GRIN2A: variants seen among roughly 807,000 people sequenced by gnomAD.
The protein encoded by GRIN2A is glutamate ionotropic receptor NMDA type subunit 2A.
In GRIN2A, 22 loss-of-function variants were observed where a neutral mutation model predicts 113.4. That is an observed-to-expected ratio of 0.19 (90% CI 0.14 to 0.28). The LOEUF is 0.28. Ranked by LOEUF, GRIN2A falls within the 10% of genes least tolerant of loss-of-function variation. GRIN2A has a pLI of 1.00. For synonymous variants in GRIN2A, 827 were observed against 738.4 expected (o/e 1.12, Z -1.94); for missense variants, 1,502 against 1,887.0 (o/e 0.80, Z 3.78).
At chr16:9,920,792 A>G (rs2044344702) in intron 3 of GRIN2A, among the ~76,000 whole-genome samples, 1 of 152,024 alleles carries the variant, frequency 6.6e-6, no homozygotes, top group Non-Finnish European at 1.5e-5. Context: ...TGACCTCGTG[A>G]TCCCCCTGCC....
intron 4 of GRIN2A, among the ~76,000 whole-genome samples, chr16:9,865,230 G>C (rs1415283558): frequency 6.6e-6 from 1 of 152,176 alleles, no homozygotes; most frequent in African/African-American, 2.4e-5. Flanking sequence ...GGGAAGAGGA[G>C]GGTTCCCTTG....
intron 2 of GRIN2A, among the ~76,000 whole-genome samples, chr16:10,045,933 G>T (rs983968822): frequency 6.4e-4 from 97 of 152,190 alleles, no homozygotes; most frequent in African/African-American, 2.2e-3. Context: ...CCTGTACATT[G>T]TAAGATATTT....
rs1289917089 is a variant in GRIN2A, at chr16:9,840,923, A to C, written c.1497+13T>G. On this transcript the variant is annotated intron_variant, in intron 6 of 12. Transcript: ENST00000330684. ...GTCTGAGTAAGAGCCTAGGGGATGA[A>C]AAGATAACTTACTTCACCGATCATT... 5.6e-6 allele frequency: 9 copies of C among 1,613,700 alleles called. No individual in the cohort carries two copies. Among genetic ancestry groups the C allele is most frequent in the Non-Finnish European group, 7.6e-6 (9 of 1,179,650 alleles).
chr16:9,919,750 G>A (rs2044323130), intron 3 of GRIN2A, among the ~76,000 whole-genome samples: 1 of 152,142 alleles, frequency 6.6e-6, no homozygotes, highest in Admixed American at 6.5e-5. Context: ...GGTCTCTGAG[G>A]ACCTAGAGAA....
chr16:10,066,075 C>G (rs184575836), intron 2 of GRIN2A, among the ~76,000 whole-genome samples: 5 of 152,344 alleles, frequency 3.3e-5, no homozygotes, highest in African/African-American at 1.2e-4. Context: ...CATCTCACCC[C>G]CAGCACATCT....
chr16:9,883,742 C>T (rs28407072), intron 4 of GRIN2A, among the ~76,000 whole-genome samples: 4,033 of 152,276 alleles, frequency 0.026, 181 homozygotes, highest in African/African-American at 0.092. Flanking sequence ...GTAGGCAAGT[C>T]TGGAGGCCGT....
intron 2 of GRIN2A, among the ~76,000 whole-genome samples, chr16:10,020,195 C>T (rs148081293): frequency 6.6e-5 from 10 of 152,246 alleles, no homozygotes; most frequent in Admixed American, 1.3e-4. Context: ...GGGTGGATGA[C>T]GAGGTCAGGA....
chr16:10,037,672 C>G (rs2047060734), intron 2 of GRIN2A, among the ~76,000 whole-genome samples: 1 of 152,178 alleles, frequency 6.6e-6, no homozygotes, highest in African/African-American at 2.4e-5. Context: ...GTCACCCAGG[C>G]TGGTGTGCAG....
chr16:9,976,250 C>G (rs1156484757), intron 2 of GRIN2A, among the ~76,000 whole-genome samples: 2 of 152,184 alleles, frequency 1.3e-5, no homozygotes, highest in Non-Finnish European at 2.9e-5. Context: ...CATGGCATGA[C>G]TACTATGTGA....
intron 2 of GRIN2A, among the ~76,000 whole-genome samples, chr16:10,122,863 G>A (rs940654305): frequency 3.9e-5 from 6 of 152,050 alleles, no homozygotes; most frequent in African/African-American, 9.7e-5. Context: ...CAAACAGAAC[G>A]ACATACATCA....
intron 2 of GRIN2A, among the ~76,000 whole-genome samples, chr16:9,961,626 A>G (rs1028463563): frequency 1.3e-5 from 2 of 152,236 alleles, no homozygotes; most frequent in Non-Finnish European, 2.9e-5. Flanking sequence ...CAATGTATCT[A>G]TGTAATAAAA....
intron 11 of GRIN2A, among the ~76,000 whole-genome samples, chr16:9,772,167 C>G (rs537340767): frequency 2.6e-5 from 4 of 152,168 alleles, no homozygotes; most frequent in Non-Finnish European, 4.4e-5. Context: ...CCAACAGCCT[C>G]CCATGCTTTC....
At position 9,829,671 on chromosome 16, in the gene GRIN2A, A is replaced by G. The variant is rs955321865; in HGVS notation, c.1778-19T>C. On this transcript the variant is annotated intron_variant, in intron 8 of 12. Transcript: ENST00000330684. The stretch of plus-strand genomic sequence containing the variant: ...TGGGGTGCTGCAGAAGATGAAAAGG[A>G]CATTCTCAGCATTTTCTGAAAAAAA... 1 of 1,562,802 alleles carries G rather than the reference A, an allele frequency of 6.4e-7. No individual in the cohort carries two copies. Among genetic ancestry groups the G allele is most frequent in the Non-Finnish European group, 8.8e-7 (1 of 1,133,360 alleles).
chr16:9,893,691 T>G (rs1019903289), intron 3 of GRIN2A, among the ~76,000 whole-genome samples: 8 of 152,174 alleles, frequency 5.3e-5, no homozygotes, highest in African/African-American at 1.9e-4. Flanking sequence ...GGTCCCGAAC[T>G]CCTGACCTCA....
chr16:9,821,367 GAGAA>G (rs750567383), intron 10 of GRIN2A, among the ~76,000 whole-genome samples: 17 of 152,030 alleles, frequency 1.1e-4, no homozygotes, highest in Non-Finnish European at 2.2e-4. Context: ...TGCTTCCTAC[GAGAA>G]TGATTCCTAG....
intron 2 of GRIN2A, among the ~76,000 whole-genome samples, chr16:10,061,691 T>C (rs185012561): frequency 6.6e-6 from 1 of 152,174 alleles, no homozygotes; most frequent in Non-Finnish European, 1.5e-5. Context: ...CTTAGAAGGT[T>C]AGTAGTGGCA....
chr16:9,907,513 A>T (rs1388908592), intron 3 of GRIN2A, among the ~76,000 whole-genome samples: 1 of 152,178 alleles, frequency 6.6e-6, no homozygotes, highest in Admixed American at 6.5e-5. Flanking sequence ...GGCTGGTGTG[A>T]TGGAACGGCT....
intron 2 of GRIN2A, among the ~76,000 whole-genome samples, chr16:10,036,302 G>A (rs987518096): frequency 6.6e-6 from 1 of 151,992 alleles, no homozygotes; most frequent in Admixed American, 6.5e-5. Flanking sequence ...GTAAGATCAA[G>A]GTGTCGGTGG....
intron 9 of GRIN2A, among the ~76,000 whole-genome samples, chr16:9,823,043 A>T (rs1000109964): frequency 6.6e-6 from 1 of 152,160 alleles, no homozygotes; most frequent in African/African-American, 2.4e-5. Flanking sequence ...GGCTCCATGA[A>T]TACTTGTTGA....
Sources: gnomAD v4.1 joint callset for allele counts (sites outside exome capture counted in the v4.1 genomes callset) on GRCh38, gnomAD v4.1.1 for gene constraint, MANE v1.5 for transcripts, NCBI Gene and HGNC (gene_info 2026-07-23, HGNC 2026-07-21) for gene names.